CCDC178: variants seen among roughly 807,000 people sequenced by gnomAD.
The protein encoded by CCDC178 is coiled-coil domain containing 178.
Under a neutral mutation model 117.4 loss-of-function variants are expected in CCDC178, and 126 were observed. That is an observed-to-expected ratio of 1.07 (90% confidence interval 0.93 to 1.24). CCDC178 has a LOEUF of 1.24. Among genes scored for constraint, CCDC178 ranks in the 50% most tolerant of loss-of-function variants. The pLI is 0.00. For missense variants in CCDC178, 1,030 were observed against 986.9 expected, an observed-to-expected ratio of 1.04 and a Z score of -0.59; for synonymous variants, 283 against 313.4, an observed-to-expected ratio of 0.90 and a Z score of 1.02.
At chr18:33,020,728 T>G (rs1488945092) in intron 21 of CCDC178, among the ~76,000 whole-genome samples, 1 of 152,238 alleles carries the variant, frequency 6.6e-6, no homozygotes, top group Non-Finnish European at 1.5e-5. Flanking sequence ...AAAATGTAAC[T>G]TAATTCCTGC....
chr18:33,371,259 ACTCT>A (rs940279095), intron 5 of CCDC178, among the ~76,000 whole-genome samples: 4 of 148,868 alleles, frequency 2.7e-5, no homozygotes, highest in Admixed American at 6.8e-5. Context: ...ACAATGTTCG[ACTCT>A]CTCTCATATA....
At chr18:33,208,410 A>G (rs898882240) in intron 20 of CCDC178, among the ~76,000 whole-genome samples, 1 of 152,046 alleles carries the variant, frequency 6.6e-6, no homozygotes, top group Non-Finnish European at 1.5e-5. Flanking sequence ...AGAACAGTGG[A>G]TAAGGCCACA....
rs2058331678 is a variant in CCDC178 at position 33,150,772 on chromosome 18, TA to T, written c.2239-57863del. 3.3e-5 allele frequency among the ~76,000 whole-genome samples: 5 copies of T among 152,324 alleles called. No individual in the cohort carries two copies. The South Asian group carries it at 1.0e-3, about 32-fold the overall frequency. On this transcript the variant is annotated intron_variant, in intron 20 of 22. Transcript: ENST00000383096. ...TTCAATTCAGCATTCAATCCAGCAC[TA>T]CTGGGTATCTACCCAAAGAAAAAGA...
intron 2 of CCDC178, among the ~76,000 whole-genome samples, chr18:33,427,271 A>C (rs1300072361): frequency 6.6e-6 from 1 of 152,080 alleles, no homozygotes; most frequent in African/African-American, 2.4e-5. Flanking sequence ...CCAAAATGTA[A>C]AAATCTTATT....
At chr18:33,062,267 C>A (rs1426675030) in intron 21 of CCDC178, among the ~76,000 whole-genome samples, 1 of 152,026 alleles carries the variant, frequency 6.6e-6, no homozygotes, top group Non-Finnish European at 1.5e-5. Flanking sequence ...AAGGTACTGG[C>A]AAGAAACAAA....
intron 21 of CCDC178, among the ~76,000 whole-genome samples, chr18:32,976,618 C>A (rs1283531360): frequency 6.6e-6 from 1 of 152,006 alleles, no homozygotes; most frequent in Non-Finnish European, 1.5e-5. Context: ...AAAAAAAGAA[C>A]CATGACAAAT....
chr18:33,297,102 A>G (rs2062115608), intron 11 of CCDC178, among the ~76,000 whole-genome samples: 1 of 152,224 alleles, frequency 6.6e-6, no homozygotes, highest in South Asian at 2.1e-4. Context: ...GTGAATGAAG[A>G]AAAAAATTAA....
intron 6 of CCDC178, among the ~76,000 whole-genome samples, chr18:33,363,698 T>A (rs1428204189): frequency 1.3e-5 from 2 of 152,074 alleles, no homozygotes; most frequent in African/African-American, 2.4e-5. Context: ...TTCACTTTAG[T>A]TCATAGATCT....
chr18:32,939,263 T>C (rs1255969223), intron 22 of CCDC178, among the ~76,000 whole-genome samples: 1 of 152,102 alleles, frequency 6.6e-6, no homozygotes. Context: ...AATACTTCTA[T>C]GTTTATTTTT....
At chr18:32,961,784 C>T (rs1383964480) in intron 22 of CCDC178, among the ~76,000 whole-genome samples, 1 of 152,098 alleles carries the variant, frequency 6.6e-6, no homozygotes, top group African/African-American at 2.4e-5. Flanking sequence ...CCTGGCTGCT[C>T]ACCTTCTACT....
intron 12 of CCDC178, among the ~76,000 whole-genome samples, chr18:33,280,870 G>T (rs1454143532): frequency 6.6e-6 from 1 of 151,978 alleles, no homozygotes; most frequent in Admixed American, 6.6e-5. Context: ...ACTAAACACC[G>T]CATGTTCTCA....
rs750466605 is a variant in CCDC178, at chr18:33,397,108, G to GA, written c.118+40dup. The GA allele has an allele frequency of 6.9e-6, 9 of 1,302,776 alleles. No homozygotes were observed. The East Asian group carries it at 2.1e-4, about 30-fold the overall frequency. 80.7% of individuals were successfully genotyped at this position (1,302,776 alleles called of 1,614,324 possible). A position where few individuals can be genotyped will look rare whatever the true frequency, so the allele number is the denominator to read the frequency against. ...TTTTGAAAACAATTAATATGTGACA[G>GA]AAAAAAGAGATGAAAATTATATATA... On this transcript the variant is annotated intron_variant, in intron 4 of 22. Coordinates refer to ENST00000383096, the MANE Select transcript of CCDC178 (RefSeq NM_001105528.4).
intron 20 of CCDC178, among the ~76,000 whole-genome samples, chr18:33,099,159 T>C (rs1012765393): frequency 6.6e-6 from 1 of 152,082 alleles, no homozygotes; most frequent in African/African-American, 2.4e-5. Flanking sequence ...TGTTCTGCTG[T>C]CTTTTGACTT....
intron 21 of CCDC178, among the ~76,000 whole-genome samples, chr18:33,043,020 A>G (rs1199946665): frequency 6.6e-6 from 1 of 152,032 alleles, no homozygotes; most frequent in Non-Finnish European, 1.5e-5. Flanking sequence ...TGAAAAGAAA[A>G]TCGAAAGTAA....
rs200760306 is a variant in CCDC178 at position 33,267,192 on chromosome 18, A to G, written c.1272+10T>C. The G allele has an allele frequency of 6.3e-7, 1 of 1,581,564 alleles. No homozygotes were observed. Among genetic ancestry groups the G allele is most frequent in the Non-Finnish European group, 8.6e-7 (1 of 1,168,674 alleles). On this transcript the variant is annotated intron_variant, in intron 13 of 22. Coordinates refer to ENST00000383096, the MANE Select transcript of CCDC178 (RefSeq NM_001105528.4). ...CGTTCTAAGTGGGAAGTAGGAAAAA[A>G]TCAACTTACTGCAGCATAAAAATCA...
At chr18:33,364,015 G>C (rs1194957380) in intron 6 of CCDC178, among the ~76,000 whole-genome samples, 2 of 152,214 alleles carry the variant, frequency 1.3e-5, no homozygotes, top group South Asian at 2.1e-4. Flanking sequence ...CACAGGCAAA[G>C]CTTTGTTAAG....
At chr18:33,367,801 G>A (rs2063234575) in intron 6 of CCDC178, among the ~76,000 whole-genome samples, 1 of 151,702 alleles carries the variant, frequency 6.6e-6, no homozygotes, top group South Asian at 2.1e-4. Flanking sequence ...AACAAAATAA[G>A]ATAATTTTTA....
intron 2 of CCDC178, among the ~76,000 whole-genome samples, chr18:33,422,109 A>G (rs989952495): frequency 1.3e-5 from 2 of 152,180 alleles, no homozygotes; most frequent in African/African-American, 4.8e-5. Context: ...GGGAGCTCAT[A>G]CATCCTCTTG....
intron 20 of CCDC178, among the ~76,000 whole-genome samples, chr18:33,178,622 C>T (rs1005733258): frequency 2.0e-5 from 3 of 152,124 alleles, no homozygotes; most frequent in Non-Finnish European, 4.4e-5. Context: ...AGGTCTCCCA[C>T]TACATGGCCA....
Sources: gnomAD v4.1 joint callset for allele counts (sites outside exome capture counted in the v4.1 genomes callset) on GRCh38, gnomAD v4.1.1 for gene constraint, MANE v1.5 for transcripts, NCBI Gene and HGNC (gene_info 2026-07-23, HGNC 2026-07-21) for gene names.